GALNT13: variants seen among roughly 807,000 people sequenced by gnomAD.
GALNT13 encodes the protein polypeptide N-acetylgalactosaminyltransferase 13.
Under a neutral mutation model 64.2 loss-of-function variants are expected in GALNT13, and 28 were observed. The ratio of observed to expected loss-of-function variants is 0.44; its 90% CI spans 0.32 to 0.60. GALNT13 has a LOEUF of 0.60. Among genes scored for constraint, GALNT13 ranks in the 20% least tolerant of loss-of-function variants. GALNT13 has a pLI of 0.05. For missense variants in GALNT13, 577 were observed against 669.8 expected (o/e 0.86, Z 1.53); for synonymous variants, 214 against 224.6 (o/e 0.95, Z 0.42).
At chr2:154,213,416 A>T (rs528993769) in intron 4 of GALNT13, among the ~76,000 whole-genome samples, 1 of 152,144 alleles carries the variant, frequency 6.6e-6, no homozygotes, top group Non-Finnish European at 1.5e-5. Flanking sequence ...TGGTCAAATG[A>T]CTTTGAATTT....
the GALNT13 span, chr2:153,421,170 AC>A: frequency 4.9e-6 from 1 of 202,742 alleles, no homozygotes. Flanking sequence ...TGGTAGTCTT[AC>A]CCAGCAGAGA....
In GALNT13 at chr2:154,152,069, C is replaced by T. The variant is rs531559461; in HGVS notation, c.311+11564C>T. On this transcript the variant is annotated intron_variant, in intron 4 of 12. Transcript: ENST00000392825. Reference sequence around the variant, plus strand: ...GGCATGTTTTTGCAGTGGCTGGTACCGGTTGTTCCTTTCCATGTTCAGTGC... The same window carrying T: ...GGCATGTTTTTGCAGTGGCTGGTACTGGTTGTTCCTTTCCATGTTCAGTGC... Among the ~76,000 whole-genome samples the T allele has an allele frequency of 7.9e-5, 12 of 152,228 alleles. No homozygotes were observed. The South Asian group carries it at 1.0e-3, about 13-fold the overall frequency.
At chr2:154,075,052 C>T (rs563320758) in intron 3 of GALNT13, among the ~76,000 whole-genome samples, 2 of 151,920 alleles carry the variant, frequency 1.3e-5, no homozygotes, top group African/African-American at 4.8e-5. Context: ...CTAGCCACAA[C>T]AATCAGGCAA....
At chr2:154,449,301 C>G (rs1407687906) in intron 12 of GALNT13, among the ~76,000 whole-genome samples, 2 of 151,700 alleles carry the variant, frequency 1.3e-5, no homozygotes. Context: ...TACAACAGTG[C>G]AGTCCACGAT....
rs117543854 is a variant in GALNT13, at chr2:154,049,156, T to G, written c.143-91181T>G. ...CTGTCAGTTGCCATTCATTACTCTTTTGCTGACTGGAAGTTGCAGTGCCTC... is the reference window on the plus strand; with the variant it reads ...CTGTCAGTTGCCATTCATTACTCTTGTGCTGACTGGAAGTTGCAGTGCCTC... On this transcript the variant is annotated intron_variant, in intron 3 of 12. Coordinates refer to ENST00000392825, the MANE Select transcript of GALNT13 (RefSeq NM_052917.4). Among the ~76,000 whole-genome samples the G allele has an allele frequency of 1.9e-3, 294 of 152,110 alleles. 8 individuals carry two copies. In the East Asian group the frequency reaches 0.047, roughly 24 times the overall value.
the GALNT13 span, among the ~76,000 whole-genome samples, chr2:153,462,724 G>T: frequency 6.6e-6 from 1 of 152,078 alleles, no homozygotes; most frequent in Non-Finnish European, 1.5e-5. Context: ...CACTCCCAAA[G>T]GAATTGAAAC....
At position 154,258,915 on chromosome 2, in the gene GALNT13, A is replaced by AT. The variant is rs1690534985; in HGVS notation, c.858-100dup. 1.1e-5 allele frequency: 7 copies of AT among 614,874 alleles called. No individual in the cohort carries two copies. The South Asian group carries it at 1.2e-4, about 11-fold the overall frequency. The allele number at this position is 614,874 out of a possible 1,614,324, so 38.1% of individuals were successfully genotyped here. A position where few individuals can be genotyped will look rare whatever the true frequency, so the allele number is the denominator to read the frequency against. Reference sequence around the variant, plus strand: ...CTTGACTTTGTGTTTTTAGTTTGAGATTTTTTAAATATTTAGAATGTCTCA... The same window carrying AT: ...CTTGACTTTGTGTTTTTAGTTTGAGATTTTTTTAAATATTTAGAATGTCTCA... On this transcript the variant is annotated intron_variant, in intron 7 of 12. Transcript: ENST00000392825.
chr2:154,428,319 C>T (rs918359679), intron 11 of GALNT13, among the ~76,000 whole-genome samples: 1 of 152,054 alleles, frequency 6.6e-6, no homozygotes, highest in Admixed American at 6.5e-5. Flanking sequence ...TTTCACTTAG[C>T]GAAGCAGTTG....
intron 9 of GALNT13, among the ~76,000 whole-genome samples, chr2:154,354,889 C>G (rs991292272): frequency 6.6e-6 from 1 of 151,948 alleles, no homozygotes; most frequent in African/African-American, 2.4e-5. Context: ...TTCTTCTACT[C>G]GAATGCCAGT....
At chr2:153,812,500 T>G in the GALNT13 span, among the ~76,000 whole-genome samples, 2 of 152,176 alleles carry the variant, frequency 1.3e-5, 1 homozygote, top group Non-Finnish European at 2.9e-5. Context: ...TCACTTACTA[T>G]TAAAAATATT....
the GALNT13 span, among the ~76,000 whole-genome samples, chr2:153,216,260 G>A: frequency 6.6e-6 from 1 of 152,026 alleles, no homozygotes; most frequent in African/African-American, 2.4e-5. Context: ...AGTAAAAGCT[G>A]CTATAAACAT....
chr2:153,714,195 A>G, the GALNT13 span, among the ~76,000 whole-genome samples: 4 of 152,300 alleles, frequency 2.6e-5, no homozygotes, highest in Non-Finnish European at 5.9e-5. Flanking sequence ...TTTAGAATTG[A>G]TAGTCCGACT....
the GALNT13 span, among the ~76,000 whole-genome samples, chr2:153,722,653 T>C: frequency 3.0e-4 from 45 of 152,052 alleles, no homozygotes; most frequent in South Asian, 2.9e-3. Context: ...ATACAAACTA[T>C]CATCAGAGAA....
chr2:153,913,038 G>A (rs993305982), intron 2 of GALNT13, among the ~76,000 whole-genome samples: 18 of 152,150 alleles, frequency 1.2e-4, no homozygotes, highest in African/African-American at 3.9e-4. Context: ...ACTGGCAACT[G>A]TGCATGTGTT....
chr2:154,029,017 T>G (rs1698165317), intron 3 of GALNT13, among the ~76,000 whole-genome samples: 1 of 151,966 alleles, frequency 6.6e-6, no homozygotes, highest in African/African-American at 2.4e-5. Flanking sequence ...AGAATTTAGC[T>G]GAATTTTTAA....
the GALNT13 span, among the ~76,000 whole-genome samples, chr2:153,740,616 G>A: frequency 3.3e-5 from 5 of 151,930 alleles, no homozygotes; most frequent in South Asian, 2.1e-4. Context: ...TGTATCCTGC[G>A]CCTTATGAAT....
At chr2:153,691,847 C>T in the GALNT13 span, among the ~76,000 whole-genome samples, 1 of 152,074 alleles carries the variant, frequency 6.6e-6, no homozygotes, top group African/African-American at 2.4e-5. Context: ...AATATATATA[C>T]ATGCTTTGTA....
In GALNT13 at chr2:154,176,338, G is replaced by C. The variant is rs367813844; in HGVS notation, c.311+35833G>C. On this transcript the variant is annotated intron_variant, in intron 4 of 12. Coordinates refer to ENST00000392825, the MANE Select transcript of GALNT13 (RefSeq NM_052917.4). Reference sequence around the variant, plus strand: ...CACCCAGGCTGGAGTGCAGTGGCGCGATCTTGGCTCACTGCAACCTCCGCC... The same window carrying C: ...CACCCAGGCTGGAGTGCAGTGGCGCCATCTTGGCTCACTGCAACCTCCGCC... Among the ~76,000 whole-genome samples the C allele has an allele frequency of 3.3e-5, 5 of 150,852 alleles. No individual in the cohort carries two copies. The East Asian group carries it at 5.8e-4, about 18-fold the overall frequency.
At chr2:154,119,362 G>C (rs556629071) in intron 3 of GALNT13, among the ~76,000 whole-genome samples, 8 of 152,058 alleles carry the variant, frequency 5.3e-5, no homozygotes, top group African/African-American at 1.7e-4. Flanking sequence ...TCTCAGAATA[G>C]TTTCTTTGCT....
Sources: gnomAD v4.1 joint callset for allele counts (sites outside exome capture counted in the v4.1 genomes callset) on GRCh38, gnomAD v4.1.1 for gene constraint, MANE v1.5 for transcripts, NCBI Gene and HGNC (gene_info 2026-07-23, HGNC 2026-07-21) for gene names.